Variants in PNCK observed in about 807,000 individuals in gnomAD.
PNCK encodes the protein pregnancy up-regulated nonubiquitous CaM kinase, also known as calcium/calmodulin-dependent protein kinase type 1B.
In PNCK, 21 loss-of-function variants were observed where a neutral mutation model predicts 28.3. The observed-to-expected ratio is 0.74, with a 90% CI of 0.53 to 1.07. The LOEUF is 1.07. Among genes scored for constraint, PNCK ranks in the 50% least tolerant of loss-of-function variants. The pLI is 0.00. For synonymous variants in PNCK, 136 were observed against 125.2 expected (o/e 1.09, Z -0.58); for missense variants, 250 against 298.3 (o/e 0.84, Z 1.19).
chrX:153,676,263 G>A (rs1260848843), upstream of PNCK, among the ~76,000 whole-genome samples: 1 of 110,757 alleles, frequency 9.0e-6, no homozygotes, highest in Non-Finnish European at 1.9e-5. Flanking sequence ...GTCCCAGCTC[G>A]CAGCCTATCT....
In PNCK at chrX:153,673,022, C is replaced by T. The variant is rs1557040655; in HGVS notation, c.55G>A (p.Glu19Lys). 1.7e-6 allele frequency: 2 copies of T among 1,192,424 alleles called. No homozygotes were observed. The highest frequency in any genetic ancestry group is 2.3e-5 in the Admixed American group (1 of 43,998). Residue 19 changes from glutamate (E) to lysine (K), a missense_variant, in exon 2 of 12, where the codon GAG becomes AAG. Coordinates refer to ENST00000340888, the MANE Select transcript of PNCK (RefSeq NM_001366977.1). ...EDISSVYEIRERLGSGAFSEV... is the reference protein window; with the variant it reads ...EDISSVYEIRKRLGSGAFSEV... ...GCGCACACTCACGAGCCGAGCCTCT[C>T]GCGGATCTCGTAGACGCTGCTGATG...
chrX:153,674,186 A>G, upstream of PNCK: 1 of 1,196,212 alleles, frequency 8.4e-7, no homozygotes, highest in Non-Finnish European at 1.1e-6. Context: ...GCCTAGCTCC[A>G]GGACCCTGCA....
At chrX:153,673,834 C>G (rs1292712246), upstream of PNCK, 3 of 751,817 alleles carry the variant, frequency 4.0e-6, no homozygotes, top group Non-Finnish European at 4.7e-6. Context: ...CCAAGCCCCC[C>G]GCCCGCGCCC....
chrX:153,670,929 C>T lies in PNCK; in HGVS notation c.795G>A (p.Leu265=), dbSNP rs782514772. Residue 265 remains leucine, a synonymous_variant, in exon 9 of 12, where the codon TTG becomes TTA. Coordinates refer to ENST00000340888, the MANE Select transcript of PNCK (RefSeq NM_001366977.1). ...GGGCTCCCACTCACCAAAGGTGCCG[C>T]AAGGCCTGTTGGCAGGTGAACCTCT... is the stretch of plus-strand genomic sequence containing the variant. ...PQKRFTCQQA[L]RHLWISGDTA... 3.5e-5 allele frequency: 42 copies of T among 1,210,955 alleles called. No individual in the cohort carries two copies. Among genetic ancestry groups the T allele is most frequent in the Non-Finnish European group, 4.5e-5 (40 of 895,340 alleles).
chrX:153,672,333 C>T, intron 3 of PNCK, 133 bp from the exon 4 acceptor site: 1 of 856,584 alleles, frequency 1.2e-6, no homozygotes. Context: ...GCCACCCCTG[C>T]CCGGTCCAGG....
chrX:153,670,728 C>G lies in PNCK; in HGVS notation c.894+16G>C. The G allele has an allele frequency of 8.4e-7, 1 of 1,190,018 alleles. No homozygotes were observed. The highest frequency in any genetic ancestry group is 1.1e-6 in the Non-Finnish European group (1 of 883,085). ...GGTGCGGCGGGCGACCACACTGGGTCTCTCTCCACACTGACCTTCCAGTGT... is the reference window on the plus strand; with the variant it reads ...GGTGCGGCGGGCGACCACACTGGGTGTCTCTCCACACTGACCTTCCAGTGT... On this transcript the variant is annotated intron_variant, in intron 10 of 11. Coordinates refer to ENST00000340888, the MANE Select transcript of PNCK (RefSeq NM_001366977.1).
chrX:153,681,222 C>T (rs1341134498), intron 1 of PNCK, among the ~76,000 whole-genome samples: 1 of 111,529 alleles, frequency 9.0e-6, no homozygotes, highest in Non-Finnish European at 1.9e-5. Context: ...GAACAGACAA[C>T]ACTCCTGCAC....
rs1171497590 is a variant in PNCK, at chrX:153,670,981, C to T, written c.743G>A (p.Arg248Gln). ...CTGGGGGTCTCGCTCCAGAAGGTGCCGGATGAAGTCTTTGGCTGGAACAGG... is the reference window on the plus strand; with the variant it reads ...CTGGGGGTCTCGCTCCAGAAGGTGCTGGATGAAGTCTTTGGCTGGAACAGG... ...DISESAKDFI[R>Q]HLLERDPQKR... The change falls in exon 9 of 12, where the codon CGG (arginine) becomes CAG (glutamine). Residue 248 changes from arginine (R) to glutamine (Q), a missense_variant. Physicochemically the swap from Arg to Gln is conservative, Grantham distance 43. Transcript: ENST00000340888. 2 of 1,210,405 alleles carry T rather than the reference C, an allele frequency of 1.7e-6. No homozygotes were observed. Among genetic ancestry groups the T allele is most frequent in the East Asian group, 3.0e-5 (1 of 33,762 alleles).
intron 1 of PNCK, among the ~76,000 whole-genome samples, chrX:153,683,288 G>A (rs1220987071): frequency 1.8e-5 from 2 of 110,356 alleles, no homozygotes; most frequent in Non-Finnish European, 3.8e-5. Context: ...TTACAGGCCC[G>A]TGCCACCACA....
At chrX:153,683,848 G>A (rs2091405713) in intron 1 of PNCK, among the ~76,000 whole-genome samples, 1 of 111,833 alleles carries the variant, frequency 8.9e-6, no homozygotes, top group Non-Finnish European at 1.9e-5. Flanking sequence ...ATGTGGTCCG[G>A]GTGGAGCCAT....
Position 153,670,927 on chromosome X carries a change from C to T in PNCK, c.797G>A (p.Arg266Gln), listed in dbSNP as rs782668687. 1.3e-5 allele frequency: 16 copies of T among 1,212,234 alleles called. No homozygotes were observed. The Middle Eastern group carries it at 2.8e-3, about 209-fold the overall frequency. The change falls in exon 9 of 12, where the codon CGG becomes CAG. Residue 266 changes from arginine to glutamine, a missense_variant. Coordinates refer to ENST00000340888, the MANE Select transcript of PNCK (RefSeq NM_001366977.1). ...CAGGGCTCCCACTCACCAAAGGTGC[C>T]GCAAGGCCTGTTGGCAGGTGAACCT... ...QKRFTCQQAL[R>Q]HLWISGDTAF...
At chrX:153,675,852 AC>A (rs199604792), upstream of PNCK, among the ~76,000 whole-genome samples, 2,928 of 108,766 alleles carry the variant, frequency 0.027, 100 homozygotes, top group African/African-American at 0.09. Flanking sequence ...AAGAGAAATT[AC>A]ACCCTCCGGC....
chrX:153,678,790 G>A (rs1360830539), upstream of PNCK, among the ~76,000 whole-genome samples: 1 of 109,299 alleles, frequency 9.1e-6, no homozygotes, highest in Admixed American at 9.8e-5. Context: ...TACCAAGCAC[G>A]ATCCCCTCTC....
intron 1 of PNCK, chrX:153,673,326 GCGCCTGGATGC>G (rs1245797224): frequency 8.7e-7 from 1 of 1,145,173 alleles, no homozygotes; most frequent in Non-Finnish European, 1.2e-6. Context: ...AAGGCGACCA[GCGCCTGGATGC>G]TGCCTCTCTG....
In PNCK at chrX:153,671,331, C is replaced by T; in HGVS notation, c.568G>A (p.Gly190Arg). 4 of 1,211,704 alleles carry T rather than the reference C, an allele frequency of 3.3e-6. No homozygotes were observed. Among genetic ancestry groups the T allele is most frequent in the Non-Finnish European group, 4.5e-6 (4 of 895,387 alleles). ...AGGGCCCACACATCTACGGCCTTCC[C>T]GTAGGGTTTCTGCTCCAAGAGCTCT... ...APELLEQKPY[G>R]KAVDVWALGV... The change falls in exon 7 of 12, where the codon GGG becomes AGG. Residue 190 changes from glycine (G) to arginine (R), a missense_variant. Coordinates refer to ENST00000340888, the MANE Select transcript of PNCK (RefSeq NM_001366977.1).
At position 153,671,115 on chromosome X, in the gene PNCK, C is replaced by T. The variant is rs2091291834; in HGVS notation, c.690G>A (p.Glu230=). The T allele has an allele frequency of 5.8e-6, 7 of 1,212,066 alleles. No individual in the cohort carries two copies. Among genetic ancestry groups the T allele is most frequent in the Non-Finnish European group, 7.8e-6 (7 of 895,605 alleles). ...LFSQILRASY[E]FDSPFWDDIS... ...TGTCATCCCAGAAAGGAGAGTCAAACTCATAGCTGGCCCTCAGGATCTGGC... is the reference window on the plus strand; with the variant it reads ...TGTCATCCCAGAAAGGAGAGTCAAATTCATAGCTGGCCCTCAGGATCTGGC... The change falls in exon 8 of 12, where the codon GAG becomes GAA. Residue 230 remains glutamate, a synonymous_variant. Transcript: ENST00000340888.
At chrX:153,677,227 C>T (rs1275507893), upstream of PNCK, among the ~76,000 whole-genome samples, 1 of 111,782 alleles carries the variant, frequency 8.9e-6, no homozygotes, top group Non-Finnish European at 1.9e-5. Context: ...CGTGAGCCAC[C>T]GCGCCCAGCC....
At chrX:153,677,736 ATAGT>A (rs1220648939), upstream of PNCK, among the ~76,000 whole-genome samples, 1 of 81,396 alleles carries the variant, frequency 1.2e-5, no homozygotes, top group Non-Finnish European at 2.4e-5. Flanking sequence ...TAGTGTATAT[ATAGT>A]GTGTATATAT....
At chrX:153,674,017 CCCGGCTGGG>C (rs1408463351), upstream of PNCK, 1 of 1,185,071 alleles carries the variant, frequency 8.4e-7, no homozygotes, top group African/African-American at 1.8e-5. Context: ...GGAGCTGCGG[CCCGGCTGGG>C]CCGGCCCCAG....
Sources: allele counts gnomAD v4.1 joint callset (sites outside exome capture counted in the v4.1 genomes callset), GRCh38; gene constraint gnomAD v4.1.1; transcripts MANE v1.5; gene names NCBI Gene and HGNC (gene_info 2026-07-23, HGNC 2026-07-21).